HYAL3: variants seen among roughly 807,000 people sequenced by gnomAD.
HYAL3 encodes the protein hyaluronidase 3.
A neutral mutation model predicts 29.6 loss-of-function variants in HYAL3; 25 were observed. That is an observed-to-expected ratio of 0.85 (90% CI 0.62 to 1.18). The LOEUF (loss-of-function observed/expected upper bound fraction) is 1.18. HYAL3 is among the 50% of genes most tolerant of loss of function. HYAL3 has a pLI of 0.00. For synonymous variants in HYAL3, 215 were observed against 218.3 expected (o/e 0.99, Z 0.13); for missense variants, 442 against 548.4 (o/e 0.81, Z 1.94).
At chr3:50,296,562 G>A in intron 1 of HYAL3, 12 of 1,596,164 alleles carry the variant, frequency 7.5e-6, no homozygotes, top group Non-Finnish European at 1.0e-5. Flanking sequence ...TGTCGGGGCA[G>A]TCTATTGAAC....
At chr3:50,298,135 C>G in intron 1 of HYAL3, 2 of 980,626 alleles carry the variant, frequency 2.0e-6, no homozygotes, top group Non-Finnish European at 2.4e-6. Flanking sequence ...CCTGCTCAAA[C>G]CTACCCAAGG....
At position 50,294,995 on chromosome 3, in the gene HYAL3, G is replaced by A; in HGVS notation, c.608C>T (p.Pro203Leu). 1 of 1,613,460 alleles carries A rather than the reference G, an allele frequency of 6.2e-7. No individual in the cohort carries two copies. The change falls in exon 2 of 4, where the codon CCA becomes CTA. Residue 203 changes from proline to leucine, a missense_variant. By Grantham distance (98) the Pro-to-Leu change is moderately conservative. Transcript: ENST00000336307. Reference protein sequence around the residue: ...PHGLWGFYHYPACGNGWHSMA... With the variant: ...PHGLWGFYHYLACGNGWHSMA... Reference sequence around the variant, plus strand: ...ACTATGCCAGCCATTGCCACAGGCTGGGTAGTGATAGAAGCCCCAGAGTCC... The same window carrying A: ...ACTATGCCAGCCATTGCCACAGGCTAGGTAGTGATAGAAGCCCCAGAGTCC...
At position 50,295,211 on chromosome 3, in the gene HYAL3, C is replaced by A; in HGVS notation, c.392G>T (p.Trp131Leu). The part of the protein sequence containing the change: ...AGPAVLDWEE[W>L]CPLWAGNWGR... Reference sequence around the variant, plus strand: ...CCAGTTCCCAGCCCAGAGTGGACACCACTCCTCCCAATCCAGCACTGCTGG... The same window carrying A: ...CCAGTTCCCAGCCCAGAGTGGACACAACTCCTCCCAATCCAGCACTGCTGG... Residue 131 changes from tryptophan to leucine, a missense_variant, in exon 2 of 4, where the codon TGG (tryptophan) becomes TTG (leucine). Trp to Leu is a moderately conservative substitution (Grantham distance 61). Transcript: ENST00000336307. 3.7e-6 allele frequency: 6 copies of A among 1,613,588 alleles called. No individual in the cohort carries two copies. Among genetic ancestry groups the A allele is most frequent in the Non-Finnish European group, 5.1e-6 (6 of 1,180,028 alleles).
chr3:50,293,863 T>C, intron 2 of HYAL3, 142 bp from the exon 3 acceptor site: 1 of 760,910 alleles, frequency 1.3e-6, no homozygotes, highest in Non-Finnish European at 2.2e-6. Context: ...GGTTTGGTTT[T>C]AGAGGCGGGG....
rs1553710494 is a variant in HYAL3, at chr3:50,293,727, G to C, written c.895-6C>G. 1 of 1,613,398 alleles carries C rather than the reference G, an allele frequency of 6.2e-7. No individual in the cohort carries two copies. The highest frequency in any genetic ancestry group is 1.1e-5 in the South Asian group (1 of 91,072). ...ATGGACTGCACAAGGTCATCCTGGA[G>C]GCAGAGAGCTGCTAAGCCAGTGCTG... On this transcript the variant is annotated splice_region_variant and splice_polypyrimidine_tract_variant and intron_variant, in intron 2 of 3. Coordinates refer to ENST00000336307, the MANE Select transcript of HYAL3 (RefSeq NM_003549.4).
chr3:50,296,654 TTG>T (rs1559809637), intron 1 of HYAL3: 1 of 1,613,900 alleles, frequency 6.2e-7, no homozygotes, highest in Non-Finnish European at 8.5e-7. Flanking sequence ...CATTTTGATA[TTG>T]TGTCTCCAGC....
At chr3:50,296,918 G>C (rs1553711299) in intron 1 of HYAL3, 42 of 1,609,896 alleles carry the variant, frequency 2.6e-5, no homozygotes, top group Non-Finnish European at 3.4e-5. Flanking sequence ...GGTGGGTATA[G>C]AAGTGCACCT....
chr3:50,293,458 T>A lies in HYAL3; in HGVS notation c.1042A>T (p.Asn348Tyr). ...CAGGCCATCGCTGCCCTGGTCACATTGATCACATAGGGGCCCAAGGTGTCC... is the reference window on the plus strand; with the variant it reads ...CAGGCCATCGCTGCCCTGGTCACATAGATCACATAGGGGCCCAAGGTGTCC... ...LVDTLGPYVI[N>Y]VTRAAMACSH... is the part of the protein sequence containing the mutation. The change falls in exon 4 of 4, where the codon AAT becomes TAT. Residue 348 changes from asparagine to tyrosine, a missense_variant. By Grantham distance (143) the Asn-to-Tyr change is moderately radical. Coordinates refer to ENST00000336307, the MANE Select transcript of HYAL3 (RefSeq NM_003549.4). 1 of 1,613,750 alleles carries A rather than the reference T, an allele frequency of 6.2e-7. No homozygotes were observed. Among genetic ancestry groups the A allele is most frequent in the Non-Finnish European group, 8.5e-7 (1 of 1,180,008 alleles).
At position 50,299,397 on chromosome 3, in the gene HYAL3, G is replaced by T; in HGVS notation, c.-202C>A. 7.3e-7 allele frequency: 1 copy of T among 1,370,818 alleles called. No individual in the cohort carries two copies. Among genetic ancestry groups the T allele is most frequent in the South Asian group, 1.3e-5 (1 of 76,402 alleles). 84.9% of individuals were successfully genotyped at this position (1,370,818 alleles called of 1,614,324 possible). On this transcript the variant is annotated 5_prime_UTR_variant, in exon 1 of 4. Coordinates refer to ENST00000336307, the MANE Select transcript of HYAL3 (RefSeq NM_003549.4). The stretch of plus-strand genomic sequence containing the variant: ...TAAGGCCTCCCAGCACCCGCGCGTC[G>T]CCGCTTAGAACCCGCCCCTGGTTTG...
Position 50,297,057 on chromosome 3 carries a change from A to ACTT in HYAL3, c.-17-1439_-17-1438insAAG. 6.5e-7 allele frequency: 1 copy of ACTT among 1,535,214 alleles called. No homozygotes were observed. The highest frequency in any genetic ancestry group is 8.7e-7 in the Non-Finnish European group (1 of 1,143,550). On this transcript the variant is annotated intron_variant, in intron 1 of 3. Coordinates refer to ENST00000336307, the MANE Select transcript of HYAL3 (RefSeq NM_003549.4). This position sits in a 1 kb window ranked among gnomAD's most constrained non-coding sequence, Gnocchi z 4.3. ...GGCCACCACCACTGTCTCCACTAAG[A>ACTT]GGCTCTGGGGCTGGTTCAGCACCCG...
In HYAL3 at chr3:50,293,083, G is replaced by T; in HGVS notation, c.*163C>A. ...TCAGAGGGCCTCTGGTTTTATAAGC[G>T]TTTTTTCTGGCCCCTTCTACCCCTC... On this transcript the variant is annotated 3_prime_UTR_variant, in exon 4 of 4. Coordinates refer to ENST00000336307, the MANE Select transcript of HYAL3 (RefSeq NM_003549.4). The T allele has an allele frequency of 2.1e-6, 3 of 1,432,916 alleles. No homozygotes were observed. The highest frequency in any genetic ancestry group is 2.9e-6 in the Non-Finnish European group (3 of 1,028,626). 88.8% of individuals were successfully genotyped at this position (1,432,916 alleles called of 1,614,324 possible). A position where few individuals can be genotyped will look rare whatever the true frequency, so the allele number is the denominator to read the frequency against.
In HYAL3 at chr3:50,295,142, T is replaced by A; in HGVS notation, c.461A>T (p.Gln154Leu). 6.2e-7 allele frequency: 1 copy of A among 1,613,610 alleles called. No homozygotes were observed. The highest frequency in any genetic ancestry group is 1.1e-5 in the South Asian group (1 of 91,092). Residue 154 changes from glutamine (Q) to leucine (L), a missense_variant, in exon 2 of 4, where the codon CAG becomes CTG. Gln to Leu is a moderately radical substitution (Grantham distance 113, BLOSUM62 -2). Coordinates refer to ENST00000336307, the MANE Select transcript of HYAL3 (RefSeq NM_003549.4). ...AGGGTCCAGGTCAGGGAATACCTGC[T>A]GTGCCCAAGCCCAAGAGGCTGCCTG... ...AYQAASWAWA[Q>L]QVFPDLDPQE... is the part of the protein sequence containing the mutation.
At chr3:50,293,770 T>C (rs923054459) in intron 2 of HYAL3, 49 bp from the exon 3 acceptor site, 4 of 1,470,846 alleles carry the variant, frequency 2.7e-6, no homozygotes, top group Non-Finnish European at 3.8e-6. Flanking sequence ...CAGATCCATG[T>C]GGGCACACAT....
At chr3:50,293,611 G>A (rs1701740806) in intron 3 of HYAL3, 21 bp downstream of exon 3, 1 of 1,613,562 alleles carries the variant, frequency 6.2e-7, no homozygotes, top group Admixed American at 1.7e-5. Flanking sequence ...TACATGGCAG[G>A]CTCAAAGGGG....
Position 50,297,308 on chromosome 3 carries a change from G to A in HYAL3, c.-17-1689C>T, listed in dbSNP as rs368619998. 15 of 1,604,986 alleles carry A rather than the reference G, an allele frequency of 9.3e-6. No individual in the cohort carries two copies. Among genetic ancestry groups the A allele is most frequent in the South Asian group, 3.3e-5 (3 of 90,098 alleles). On this transcript the variant is annotated intron_variant, in intron 1 of 3. Transcript: ENST00000336307. This position sits in a 1 kb window ranked among gnomAD's most constrained non-coding sequence, Gnocchi z 4.3. ...TCAACTCAGCCAGGCTAGGAGCTGG[G>A]GTCTCCTCTGGCTGGTGTTCAGGAT...
intron 1 of HYAL3, chr3:50,296,932 C>T (rs376181406): frequency 7.8e-5 from 126 of 1,608,992 alleles, no homozygotes; most frequent in Non-Finnish European, 1.0e-4. Context: ...TGCACCTGGT[C>T]ATGGGTGGTG....
chr3:50,297,558 A>G lies in HYAL3; in HGVS notation c.-18+1655T>C. ...CACAGGATCCAGGTTCAGCTGAGTC[A>G]GGCTGGGAGCCAAGGTCACCTGCTG... On this transcript the variant is annotated intron_variant, in intron 1 of 3. Coordinates refer to ENST00000336307, the MANE Select transcript of HYAL3 (RefSeq NM_003549.4). This position sits in a 1 kb window ranked among gnomAD's most constrained non-coding sequence, Gnocchi z 4.3. The G allele has an allele frequency of 1.3e-6, 2 of 1,502,040 alleles. No individual in the cohort carries two copies. The highest frequency in any genetic ancestry group is 1.4e-5 in the South Asian group (1 of 73,790). The allele number at this position is 1,502,040 out of a possible 1,614,324, so 93.0% of individuals were successfully genotyped here.
In HYAL3 at chr3:50,293,394, C is replaced by T. The variant is rs138609690; in HGVS notation, c.1106G>A (p.Arg369Gln). 133 of 1,613,600 alleles carry T rather than the reference C, an allele frequency of 8.2e-5. 1 individual carries two copies. Among genetic ancestry groups the T allele is most frequent in the Admixed American group, 1.7e-4 (10 of 60,014 alleles). ...GGCTTCCATCTGTCCTGGATCTCGCCGGGCACAGCGCCCGTGGCCATGGCA... is the reference window on the plus strand; with the variant it reads ...GGCTTCCATCTGTCCTGGATCTCGCTGGGCACAGCGCCCGTGGCCATGGCA... ...QRCHGHGRCA[R>Q]RDPGQMEAFL... is the part of the protein sequence containing the mutation. The change falls in exon 4 of 4, where the codon CGG (arginine) becomes CAG (glutamine). Residue 369 changes from arginine to glutamine, a missense_variant. By Grantham distance (43) the Arg-to-Gln change is conservative. Transcript: ENST00000336307.
chr3:50,297,958 C>G lies in HYAL3; in HGVS notation c.-18+1255G>C. On this transcript the variant is annotated intron_variant, in intron 1 of 3. Transcript: ENST00000336307. The surrounding 1 kb of genome is among the most constrained non-coding windows in gnomAD (Gnocchi z 4.3). ...CTAGGAGTCCTGGCCCCAGCCTGCTCTGGCTACAAATTTGTCCTCCTCAGG... is the reference window on the plus strand; with the variant it reads ...CTAGGAGTCCTGGCCCCAGCCTGCTGTGGCTACAAATTTGTCCTCCTCAGG... The G allele has an allele frequency of 1.0e-6, 1 of 988,964 alleles. No individual in the cohort carries two copies. The highest frequency in any genetic ancestry group is 4.7e-5 in the South Asian group (1 of 21,382). 61.3% of individuals were successfully genotyped at this position (988,964 alleles called of 1,614,324 possible).
Sources: allele counts gnomAD v4.1 joint callset, GRCh38; gene constraint gnomAD v4.1.1; non-coding constraint Gnocchi (gnomAD v3.1); transcripts MANE v1.5; gene names NCBI Gene and HGNC (gene_info 2026-07-23, HGNC 2026-07-21).